Variants in ZNF536 observed in about 807,000 individuals in gnomAD.
The protein encoded by ZNF536 is zinc finger protein 536.
A neutral mutation model predicts 84.5 loss-of-function variants in ZNF536; 13 were observed. The observed-to-expected ratio is 0.15, with a 90% CI of 0.10 to 0.24. The LOEUF (loss-of-function observed/expected upper bound fraction) is 0.24. Among genes scored for constraint, ZNF536 ranks in the 10% least tolerant of loss-of-function variants. The pLI, the probability that ZNF536 is intolerant of heterozygous loss-of-function variation, is 1.00. For synonymous variants in ZNF536, 811 were observed against 742.5 expected (o/e 1.09, Z -1.50); for missense variants, 1,536 against 1,747.5 (o/e 0.88, Z 2.16).
intron 1 of ZNF536, among the ~76,000 whole-genome samples, chr19:30,390,832 G>A (rs985964448): frequency 6.6e-6 from 1 of 152,128 alleles, no homozygotes; most frequent in East Asian, 1.9e-4. Flanking sequence ...CTCAGCCCCC[G>A]TTGGCACCAA....
chr19:30,463,586 G>A (rs912493946), intron 2 of ZNF536, among the ~76,000 whole-genome samples: 6 of 152,156 alleles, frequency 3.9e-5, no homozygotes, highest in African/African-American at 1.2e-4. Flanking sequence ...TTCCCTGCAC[G>A]GGGCATAGAG....
chr19:30,503,186 C>G (rs2055020539), intron 2 of ZNF536, among the ~76,000 whole-genome samples: 1 of 152,108 alleles, frequency 6.6e-6, no homozygotes, highest in East Asian at 1.9e-4. Context: ...CACACACACT[C>G]CCAAACCTAA....
chr19:30,569,228 G>A (rs949431382), intron 1 of ZNF536, among the ~76,000 whole-genome samples: 1 of 152,056 alleles, frequency 6.6e-6, no homozygotes, highest in African/African-American at 2.4e-5. Context: ...TATATATCAC[G>A]TAATAAATTT....
At chr19:30,590,410 T>A (rs1221520944) in intron 1 of ZNF536, among the ~76,000 whole-genome samples, 1 of 152,182 alleles carries the variant, frequency 6.6e-6, no homozygotes, top group Admixed American at 6.5e-5. Flanking sequence ...GGAGAGTGGG[T>A]GACATGCACA....
intron 1 of ZNF536, among the ~76,000 whole-genome samples, chr19:30,260,236 T>C (rs967715604): frequency 6.6e-6 from 1 of 152,240 alleles, no homozygotes; most frequent in East Asian, 1.9e-4. Context: ...CTGCAACAGG[T>C]CAGTGTAAAG....
At chr19:30,336,527 G>A (rs1053693877) in intron 2 of ZNF536, among the ~76,000 whole-genome samples, 2 of 152,166 alleles carry the variant, frequency 1.3e-5, no homozygotes, top group Non-Finnish European at 2.9e-5. Context: ...GGCTGTTGAA[G>A]GCTTATTAGG....
chr19:30,695,439 T>G (rs943902641), intron 1 of ZNF536, among the ~76,000 whole-genome samples: 3 of 152,160 alleles, frequency 2.0e-5, no homozygotes, highest in Non-Finnish European at 4.4e-5. Context: ...CATAATTAAG[T>G]GCCTAATTGT....
intron 3 of ZNF536, among the ~76,000 whole-genome samples, chr19:30,536,418 A>T (rs1371827445): frequency 6.6e-6 from 1 of 152,082 alleles, no homozygotes; most frequent in Non-Finnish European, 1.5e-5. Context: ...TTCTTTATAA[A>T]CTTAACAATT....
chr19:30,379,941 G>A (rs1488199890), intron 1 of ZNF536, among the ~76,000 whole-genome samples: 2 of 152,164 alleles, frequency 1.3e-5, no homozygotes, highest in Admixed American at 1.3e-4. Context: ...TGAGGCTTTT[G>A]ATCTGTGAAT....
chr19:30,456,275 C>T (rs1309642706), intron 2 of ZNF536, among the ~76,000 whole-genome samples: 1 of 149,522 alleles, frequency 6.7e-6, no homozygotes, highest in Non-Finnish European at 1.5e-5. Flanking sequence ...TTTAGCCAAT[C>T]TCTGATTCGT....
chr19:30,592,176 A>G (rs17614385), intron 1 of ZNF536, among the ~76,000 whole-genome samples: 5,314 of 152,312 alleles, frequency 0.035, 129 homozygotes, highest in Non-Finnish European at 0.058. Context: ...GTCACTATGC[A>G]TCAAATTCTT....
At chr19:30,396,483 A>G (rs1311682166) in intron 1 of ZNF536, among the ~76,000 whole-genome samples, 1 of 151,968 alleles carries the variant, frequency 6.6e-6, no homozygotes, top group African/African-American at 2.4e-5. Flanking sequence ...AGACCTGCCA[A>G]TTGTTACAGT....
intron 1 of ZNF536, among the ~76,000 whole-genome samples, chr19:30,565,948 G>T (rs1017267483): frequency 1.3e-5 from 2 of 152,106 alleles, no homozygotes; most frequent in Non-Finnish European, 2.9e-5. Flanking sequence ...GTCATCAACC[G>T]CATCACACCA....
At position 30,240,963 on chromosome 19, in the gene ZNF536, A is replaced by C. The variant is rs550557610; in HGVS notation, c.-190+12290A>C. On this transcript the variant is annotated intron_variant, in intron 1 of 5. Transcript: ENST00000585628. ...GGTCCTGGGGACATAACAGTGAACA[A>C]ACCGATTCATATCTGGGCTCTCATG... Among the ~76,000 whole-genome samples the C allele has an allele frequency of 2.6e-5, 4 of 152,230 alleles. No individual in the cohort carries two copies. The East Asian group carries it at 7.7e-4, about 29-fold the overall frequency.
chr19:30,647,694 A>G (rs2049528592), intron 1 of ZNF536, among the ~76,000 whole-genome samples: 1 of 152,128 alleles, frequency 6.6e-6, no homozygotes, highest in Non-Finnish European at 1.5e-5. Context: ...AGCATTATAA[A>G]CCCAGTTCCA....
intron 1 of ZNF536, among the ~76,000 whole-genome samples, chr19:30,633,493 A>G (rs1203259021): frequency 8.5e-5 from 13 of 152,192 alleles, no homozygotes; most frequent in Admixed American, 8.5e-4. Context: ...CATGTAATGC[A>G]ATTGATCTAA....
chr19:30,602,795 A>C (rs752146124), intron 1 of ZNF536, among the ~76,000 whole-genome samples: 2 of 152,194 alleles, frequency 1.3e-5, no homozygotes, highest in African/African-American at 4.8e-5. Flanking sequence ...TGTTTTCTGC[A>C]TGGAATCTGG....
chr19:30,259,603 G>C (rs1220995942), intron 1 of ZNF536, among the ~76,000 whole-genome samples: 1 of 152,208 alleles, frequency 6.6e-6, no homozygotes, highest in Admixed American at 6.5e-5. Context: ...GCTTTTCCAA[G>C]GCTAGAAGCC....
intron 1 of ZNF536, among the ~76,000 whole-genome samples, chr19:30,399,055 T>A (rs2049940678): frequency 6.6e-6 from 1 of 152,218 alleles, no homozygotes; most frequent in South Asian, 2.1e-4. Flanking sequence ...CATTCCTATT[T>A]CTCCACATGC....
Sources: allele counts gnomAD v4.1 joint callset (sites outside exome capture counted in the v4.1 genomes callset), GRCh38; gene constraint gnomAD v4.1.1; transcripts MANE v1.5; gene names NCBI Gene and HGNC (gene_info 2026-07-23, HGNC 2026-07-21).